SEC24D: variants seen among roughly 807,000 people sequenced by gnomAD.
SEC24D encodes SEC24 homolog D, COPII component.
In SEC24D, 69 loss-of-function variants were observed where a neutral mutation model predicts 116.9. That is an observed-to-expected ratio of 0.59 (90% CI 0.49 to 0.72). The LOEUF is 0.72. Ranked by LOEUF, SEC24D falls within the 30% of genes least tolerant of loss-of-function variation. The probability of loss-of-function intolerance (pLI) is 0.00; values close to 1 mark genes in which losing one functional copy is unlikely to be tolerated. For synonymous variants in SEC24D, 405 were observed against 442.8 expected, an observed-to-expected ratio of 0.91 and a Z score of 1.07; for missense variants, 1,131 against 1,264.1, an observed-to-expected ratio of 0.89 and a Z score of 1.60.
At chr4:118,767,251 A>C (rs998157203) in intron 9 of SEC24D, among the ~76,000 whole-genome samples, 4 of 152,234 alleles carry the variant, frequency 2.6e-5, no homozygotes, top group Non-Finnish European at 5.9e-5. Context: ...CTCTCCCACC[A>C]GAGAATGCTC....
intron 4 of SEC24D, 141 bp downstream of exon 4, chr4:118,817,123 G>C: frequency 4.4e-6 from 3 of 678,168 alleles, no homozygotes; most frequent in Non-Finnish European, 7.4e-6. Flanking sequence ...TAAGATAGAT[G>C]CTTTATTATT....
At chr4:118,735,809 TCAGC>T (rs1656308675) in intron 19 of SEC24D, 1 of 151,454 alleles carries the variant, frequency 6.6e-6, no homozygotes, top group South Asian at 2.1e-4. Context: ...TCCTCTTGCC[TCAGC>T]CTCCTGAGTG....
In SEC24D at chr4:118,815,773, C is replaced by T. The variant is rs764086644; in HGVS notation, c.398-47G>A. On this transcript the variant is annotated intron_variant, in intron 4 of 22. Transcript: ENST00000280551. ...CCCACTTAAATACCACATTTCTCAA[C>T]TCTCTGACTTCTGCAAAGTACATGA... is the stretch of plus-strand genomic sequence containing the variant. The T allele has an allele frequency of 3.1e-6, 5 of 1,595,586 alleles. No individual in the cohort carries two copies. The South Asian group carries it at 4.5e-5, about 14-fold the overall frequency.
At chr4:118,774,320 GA>G (rs1475597237) in intron 8 of SEC24D, among the ~76,000 whole-genome samples, 1 of 151,820 alleles carries the variant, frequency 6.6e-6, no homozygotes, top group Non-Finnish European at 1.5e-5. Context: ...TCTTTTCATT[GA>G]AAAATACTGA....
At chr4:118,779,088 C>G (rs1728277201) in intron 8 of SEC24D, among the ~76,000 whole-genome samples, 1 of 152,164 alleles carries the variant, frequency 6.6e-6, no homozygotes, top group Non-Finnish European at 1.5e-5. Context: ...ATTAAATACG[C>G]TTTATTTCTT....
At chr4:118,778,208 T>C (rs1728237762) in intron 8 of SEC24D, among the ~76,000 whole-genome samples, 1 of 152,240 alleles carries the variant, frequency 6.6e-6, no homozygotes, top group Admixed American at 6.5e-5. Context: ...TGGTATTGCC[T>C]AGGTTTTCTT....
intron 1 of SEC24D, among the ~76,000 whole-genome samples, chr4:118,835,365 G>A (rs1731048015): frequency 2.0e-5 from 3 of 152,096 alleles, no homozygotes; most frequent in African/African-American, 7.2e-5. Context: ...GCTTCAAGCG[G>A]CGACACGGCA....
At chr4:118,752,122 T>A in intron 12 of SEC24D, 33 bp from the exon 13 acceptor site, 1 of 1,339,576 alleles carries the variant, frequency 7.5e-7, no homozygotes, top group Non-Finnish European at 1.1e-6. Flanking sequence ...AGGTTTGAAA[T>A]GTTTAGCATA....
At chr4:118,792,367 C>T (rs1373980325) in intron 8 of SEC24D, among the ~76,000 whole-genome samples, 1 of 151,986 alleles carries the variant, frequency 6.6e-6, no homozygotes, top group East Asian at 1.9e-4. Context: ...CCCCTCTGCC[C>T]GGCCGCCACC....
chr4:118,829,608 T>C (rs1050625343), intron 2 of SEC24D, among the ~76,000 whole-genome samples: 2 of 150,252 alleles, frequency 1.3e-5, no homozygotes, highest in African/African-American at 2.5e-5. Flanking sequence ...AGGTCGGGAG[T>C]TTGAGACCAG....
chr4:118,780,906 G>GATTTTTTTTT (rs1728368824), intron 8 of SEC24D, among the ~76,000 whole-genome samples: 8 of 106,106 alleles, frequency 7.5e-5, no homozygotes, highest in Admixed American at 1.1e-4. Context: ...TGCAACCCCT[G>GATTTTTTTTT]CTTTTTTTTT....
intron 22 of SEC24D, 131 bp from the exon 23 acceptor site, chr4:118,723,786 T>C (rs904500365): frequency 4.1e-5 from 40 of 978,628 alleles, no homozygotes; most frequent in Non-Finnish European, 5.6e-5. Context: ...TGGAGGATGA[T>C]GGGAAAGTGC....
Position 118,738,824 on chromosome 4 carries a change from G to A in SEC24D, c.2377+325C>T, listed in dbSNP as rs116203590. On this transcript the variant is annotated intron_variant, in intron 18 of 22. Coordinates refer to ENST00000280551, the MANE Select transcript of SEC24D (RefSeq NM_014822.4). ...CAAGTTTAGTCTAACATTAGAGATC[G>A]TCTCTGTCCATTAACCCAATGTGTC... Among the ~76,000 whole-genome samples, 233 of 152,166 alleles carry A rather than the reference G, an allele frequency of 1.5e-3. 1 individual carries two copies. Among genetic ancestry groups the A allele is most frequent in the Non-Finnish European group, 2.5e-3 (171 of 67,992 alleles).
Position 118,764,886 on chromosome 4 carries a change from G to T in SEC24D, c.1212C>A (p.His404Gln). Residue 404 changes from histidine (H) to glutamine (Q), a missense_variant, in exon 10 of 23, where the codon CAC (histidine) becomes CAA (glutamine). His to Gln is a conservative substitution (Grantham distance 24). Transcript: ENST00000280551. ...CATAGTGGTCCAGTCTTCTTCCAAT[G>T]TGGTCCAGATGTTGGAAATAGAATG... ...VPPFYFQHLD[H>Q]IGRRLDHYEK... is the part of the protein sequence containing the mutation. 1 of 1,607,778 alleles carries T rather than the reference G, an allele frequency of 6.2e-7. No individual in the cohort carries two copies. Among genetic ancestry groups the T allele is most frequent in the Non-Finnish European group, 8.5e-7 (1 of 1,174,578 alleles).
chr4:118,806,661 G>C (rs1298991332), intron 6 of SEC24D, among the ~76,000 whole-genome samples: 2 of 151,866 alleles, frequency 1.3e-5, no homozygotes, highest in African/African-American at 4.8e-5. Context: ...AAAAAATCTG[G>C]TAAGAAAAGA....
At chr4:118,757,688 T>G (rs1560646807) in intron 11 of SEC24D, 33 bp downstream of exon 11, 2 of 1,591,830 alleles carry the variant, frequency 1.3e-6, no homozygotes, top group Non-Finnish European at 8.5e-7. Flanking sequence ...GGCAATAATG[T>G]ATAAGTTGTA....
Position 118,731,354 on chromosome 4 carries a change from A to G in SEC24D, c.2830T>C (p.Phe944Leu). The change falls in exon 21 of 23, where the codon TTT becomes CTT. Residue 944 changes from phenylalanine to leucine, a missense_variant. Phe to Leu is a conservative substitution (Grantham distance 22). Transcript: ENST00000280551. ...ATATGTGCAAAAGATGGCACATTAA[A>G]TATTCCTTGGATCAGTTCTGGTGGG... ...SSPPELIQGI[F>L]NVPSFAHINT... 1.2e-6 allele frequency: 2 copies of G among 1,614,142 alleles called. No homozygotes were observed. Among genetic ancestry groups the G allele is most frequent in the Non-Finnish European group, 1.7e-6 (2 of 1,179,966 alleles).
intron 22 of SEC24D, among the ~76,000 whole-genome samples, chr4:118,727,787 T>A (rs1578371194): frequency 1.3e-5 from 2 of 152,244 alleles, no homozygotes; most frequent in Admixed American, 1.3e-4. Context: ...CATCCAGATG[T>A]CATTAGTTCA....
At chr4:118,830,728 G>A (rs559981240) in intron 2 of SEC24D, among the ~76,000 whole-genome samples, 1 of 151,758 alleles carries the variant, frequency 6.6e-6, no homozygotes, top group East Asian at 1.9e-4. Context: ...ACACAGTATG[G>A]CAAATAGTAT....
Sources: allele counts gnomAD v4.1 joint callset (sites outside exome capture counted in the v4.1 genomes callset), GRCh38; gene constraint gnomAD v4.1.1; transcripts MANE v1.5; gene names NCBI Gene and HGNC (gene_info 2026-07-23, HGNC 2026-07-21).